GALNT11: variants seen among roughly 807,000 people sequenced by gnomAD.
GALNT11 encodes the protein polypeptide N-acetylgalactosaminyltransferase 11.
Under a neutral mutation model 72.7 loss-of-function variants are expected in GALNT11, and 47 were observed. The ratio of observed to expected loss-of-function variants is 0.65; its 90% CI spans 0.51 to 0.82. GALNT11 has a LOEUF of 0.82. GALNT11 is among the 40% of genes least tolerant of loss of function. GALNT11 has a pLI of 0.00. For missense variants in GALNT11, 677 were observed against 778.4 expected, an observed-to-expected ratio of 0.87 and a Z score of 1.55; for synonymous variants, 270 against 286.6, an observed-to-expected ratio of 0.94 and a Z score of 0.58.
At chr7:152,070,526 T>G (rs977311535) in intron 1 of GALNT11, among the ~76,000 whole-genome samples, 2 of 152,166 alleles carry the variant, frequency 1.3e-5, no homozygotes, top group African/African-American at 4.8e-5. Context: ...CTGCAGTCCT[T>G]GGCTTGTGGC....
At chr7:152,093,349 CTTAGAT>C (rs1373571161) in intron 1 of GALNT11, among the ~76,000 whole-genome samples, 2 of 151,802 alleles carry the variant, frequency 1.3e-5, no homozygotes, top group East Asian at 1.9e-4. Flanking sequence ...TTGAAAATAA[CTTAGAT>C]TTAGAGTGCA....
At chr7:152,107,221 C>T (rs550924599) in intron 5 of GALNT11, 23 of 150,240 alleles carry the variant, frequency 1.5e-4, no homozygotes, top group African/African-American at 3.5e-4. Context: ...TCAGAAGAAC[C>T]GTGGAGCTCT....
At chr7:152,077,657 T>C (rs1334828394) in intron 1 of GALNT11, among the ~76,000 whole-genome samples, 1 of 152,106 alleles carries the variant, frequency 6.6e-6, no homozygotes, top group Non-Finnish European at 1.5e-5. Context: ...CCCAGTCACC[T>C]AACAGAGACA....
chr7:152,121,084 C>G, intron 11 of GALNT11, 116 bp downstream of exon 11: 1 of 1,250,712 alleles, frequency 8.0e-7, no homozygotes, highest in African/African-American at 1.5e-5. Context: ...GTCTGCAGTA[C>G]AGTGGTCCCC....
intron 1 of GALNT11, among the ~76,000 whole-genome samples, chr7:152,064,859 G>A (rs1469439378): frequency 2.0e-5 from 3 of 152,156 alleles, no homozygotes; most frequent in Admixed American, 6.5e-5. Flanking sequence ...TGGGTAACTC[G>A]ACCTTTGTCT....
chr7:152,070,390 C>T (rs10246392), intron 1 of GALNT11, among the ~76,000 whole-genome samples: 7,639 of 152,212 alleles, frequency 0.05, 654 homozygotes, highest in African/African-American at 0.18. Flanking sequence ...CAACTTATCA[C>T]ACAGTTCTGG....
chr7:152,028,219 C>G (rs2082129998), intron 1 of GALNT11, among the ~76,000 whole-genome samples: 1 of 152,200 alleles, frequency 6.6e-6, no homozygotes, highest in African/African-American at 2.4e-5. Context: ...TTATTTGGCC[C>G]CACCCACATC....
Position 152,122,231 on chromosome 7 carries a change from ATTATGT to A in GALNT11, c.*558_*563del, listed in dbSNP as rs1587530210. On this transcript the variant is annotated 3_prime_UTR_variant, in exon 12 of 12. Coordinates refer to ENST00000430044, the MANE Select transcript of GALNT11 (RefSeq NM_022087.4). The stretch of plus-strand genomic sequence containing the variant: ...GATCATTTTAAAAAACTGAATCTAT[ATTATGT>A]TTAACTTCAGAAGGCATCATTTATA... 1 of 152,194 alleles carries A rather than the reference ATTATGT, an allele frequency of 6.6e-6. No homozygotes were observed. The highest frequency in any genetic ancestry group is 2.1e-4 in the South Asian group (1 of 4,830). The allele number at this position is 152,194 out of a possible 1,614,324, so 9.4% of individuals were successfully genotyped here. A position where few individuals can be genotyped will look rare whatever the true frequency, so the allele number is the denominator to read the frequency against.
At chr7:152,100,012 C>T (rs2086726978) in intron 2 of GALNT11, among the ~76,000 whole-genome samples, 1 of 145,438 alleles carries the variant, frequency 6.9e-6, no homozygotes. Context: ...AGGCTGGGCT[C>T]AAGCAGTCCT....
At chr7:152,099,325 A>C (rs973820077) in intron 2 of GALNT11, among the ~76,000 whole-genome samples, 2 of 151,338 alleles carry the variant, frequency 1.3e-5, no homozygotes, top group South Asian at 4.2e-4. Flanking sequence ...GAGTTCTACT[A>C]TTTTTTAAAA....
chr7:152,109,449 C>A (rs1267340612), intron 6 of GALNT11, among the ~76,000 whole-genome samples: 2 of 152,010 alleles, frequency 1.3e-5, no homozygotes, highest in Non-Finnish European at 2.9e-5. Context: ...TTTTTTTGGT[C>A]TTGTTTTTAA....
At chr7:152,112,525 G>A (rs964656172) in intron 7 of GALNT11, among the ~76,000 whole-genome samples, 5 of 151,170 alleles carry the variant, frequency 3.3e-5, no homozygotes, top group Non-Finnish European at 7.4e-5. Context: ...GGACAAGAGC[G>A]AGACTGTGTC....
At chr7:152,030,310 C>G (rs150339502) in intron 1 of GALNT11, among the ~76,000 whole-genome samples, 1 of 152,096 alleles carries the variant, frequency 6.6e-6, no homozygotes, top group Non-Finnish European at 1.5e-5. Flanking sequence ...TGGCCCTGTC[C>G]GAGCATAACA....
intron 1 of GALNT11, among the ~76,000 whole-genome samples, chr7:152,027,990 AGTT>A (rs1384509758): frequency 6.6e-6 from 1 of 152,036 alleles, no homozygotes; most frequent in Non-Finnish European, 1.5e-5. Context: ...GCATGTCGAG[AGTT>A]GTTTGTTCCT....
intron 1 of GALNT11, among the ~76,000 whole-genome samples, chr7:152,033,650 T>C (rs577456187): frequency 3.9e-5 from 6 of 152,330 alleles, no homozygotes; most frequent in African/African-American, 1.4e-4. Flanking sequence ...TTTCCTTGAG[T>C]TATGGTAGAC....
rs371042719 is a variant in GALNT11 at position 152,055,576 on chromosome 7, CAT to C, written c.-39+29704_-39+29705del. The stretch of plus-strand genomic sequence containing the variant: ...GTGTGTGTGTGTGTGTGTATATATA[CAT>C]ATATATATATACACACAAAGTACCA... On this transcript the variant is annotated intron_variant, in intron 1 of 11. Transcript: ENST00000430044. Among the ~76,000 whole-genome samples the C allele has an allele frequency of 8.8e-3, 1,056 of 119,420 alleles. 12 individuals carry two copies. Among genetic ancestry groups the C allele is most frequent in the African/African-American group, 0.028 (987 of 34,802 alleles). 78.3% of individuals were successfully genotyped at this position (119,420 alleles called of 152,430 possible).
At chr7:152,058,399 A>G (rs2083810510) in intron 1 of GALNT11, among the ~76,000 whole-genome samples, 1 of 152,108 alleles carries the variant, frequency 6.6e-6, no homozygotes, top group Middle Eastern at 3.4e-3. Flanking sequence ...GGTTGGTGCC[A>G]TCTCGGCTCA....
intron 1 of GALNT11, among the ~76,000 whole-genome samples, chr7:152,061,828 G>C (rs1049033618): frequency 6.6e-6 from 1 of 152,110 alleles, no homozygotes; most frequent in African/African-American, 2.4e-5. Flanking sequence ...TGTTCCATTG[G>C]TCTATATCTC....
chr7:152,069,755 A>G (rs2084517842), intron 1 of GALNT11, among the ~76,000 whole-genome samples: 2 of 152,184 alleles, frequency 1.3e-5, no homozygotes, highest in South Asian at 4.1e-4. Context: ...AGCATGATAT[A>G]TCTTTCTCCA....
Sources: gnomAD v4.1 joint callset for allele counts (sites outside exome capture counted in the v4.1 genomes callset) on GRCh38, gnomAD v4.1.1 for gene constraint, MANE v1.5 for transcripts, NCBI Gene and HGNC (gene_info 2026-07-23, HGNC 2026-07-21) for gene names.